The following CCDC178 variants were observed in gnomAD, a reference collection of about 807,000 sequenced individuals.
CCDC178 encodes coiled-coil domain-containing protein 178.
Under a neutral mutation model 117.4 loss-of-function variants are expected in CCDC178, and 126 were observed. That is an observed-to-expected ratio of 1.07 (90% CI 0.93 to 1.24). The LOEUF is 1.24. Ranked by LOEUF, CCDC178 falls within the 50% of genes most tolerant of loss-of-function variation. CCDC178 has a pLI of 0.00. For synonymous variants in CCDC178, 283 were observed against 313.4 expected (o/e 0.90, Z 1.02); for missense variants, 1,030 against 986.9 (o/e 1.04, Z -0.59).
At chr18:33,309,943 AT>A (rs2062314161) in intron 11 of CCDC178, among the ~76,000 whole-genome samples, 7 of 1,054 alleles carry the variant, frequency 6.6e-3, no homozygotes, top group Admixed American at 0.055. Context: ...CTTTTCTTTT[AT>A]TTATTTATTT....
chr18:33,247,851 G>A (rs913594582), intron 14 of CCDC178, among the ~76,000 whole-genome samples: 8 of 151,852 alleles, frequency 5.3e-5, no homozygotes, highest in African/African-American at 1.9e-4. Flanking sequence ...GTGTGTGTTT[G>A]AGTATGTGTT....
intron 20 of CCDC178, among the ~76,000 whole-genome samples, chr18:33,098,796 G>A (rs745517577): frequency 1.2e-4 from 18 of 151,638 alleles, no homozygotes; most frequent in Non-Finnish European, 2.1e-4. Context: ...TTTACTTTAC[G>A]GATTCAGCTC....
chr18:33,013,082 C>T (rs2055905816), intron 21 of CCDC178, among the ~76,000 whole-genome samples: 1 of 152,042 alleles, frequency 6.6e-6, no homozygotes, highest in South Asian at 2.1e-4. Context: ...CACATTTTTC[C>T]TTTTATAGGA....
Position 33,368,742 on chromosome 18 carries a change from A to G in CCDC178, c.348+1308T>C, listed in dbSNP as rs975304265. 2.0e-5 allele frequency among the ~76,000 whole-genome samples: 3 copies of G among 152,088 alleles called. No individual in the cohort carries two copies. In the East Asian group the frequency reaches 5.8e-4, roughly 29 times the overall value. On this transcript the variant is annotated intron_variant, in intron 6 of 22. Transcript: ENST00000383096. ...CTATTTCCCTATCTATCAATTAGGT[A>G]TAACAATAACCATTCAATAGTTTTG...
At chr18:33,049,898 A>G (rs966293956) in intron 21 of CCDC178, among the ~76,000 whole-genome samples, 3 of 151,232 alleles carry the variant, frequency 2.0e-5, no homozygotes, top group Admixed American at 1.3e-4. Flanking sequence ...CCTGGCCAAC[A>G]TGGTGAAACC....
chr18:33,332,736 C>T (rs1287481133), intron 10 of CCDC178, among the ~76,000 whole-genome samples: 1 of 152,004 alleles, frequency 6.6e-6, no homozygotes, highest in Non-Finnish European at 1.5e-5. Context: ...ACCTCAGCCT[C>T]CCAAGTAGAG....
intron 21 of CCDC178, among the ~76,000 whole-genome samples, chr18:33,043,198 T>C (rs1376628195): frequency 6.6e-6 from 1 of 152,060 alleles, no homozygotes; most frequent in Non-Finnish European, 1.5e-5. Context: ...CTGAAGGTTC[T>C]ATGTAAAGGA....
At chr18:33,392,890 T>C (rs906618101) in intron 4 of CCDC178, among the ~76,000 whole-genome samples, 1 of 152,102 alleles carries the variant, frequency 6.6e-6, no homozygotes, top group African/African-American at 2.4e-5. Context: ...TAAGTGCAAA[T>C]AAAACAAAAA....
At chr18:32,979,259 G>C (rs1332225766) in intron 21 of CCDC178, among the ~76,000 whole-genome samples, 3 of 151,802 alleles carry the variant, frequency 2.0e-5, no homozygotes, top group Non-Finnish European at 4.4e-5. Context: ...GGGTTCAAAC[G>C]ATTCTCCTGT....
At chr18:33,188,222 T>A (rs1338594175) in intron 20 of CCDC178, among the ~76,000 whole-genome samples, 1 of 152,124 alleles carries the variant, frequency 6.6e-6, no homozygotes, top group Non-Finnish European at 1.5e-5. Context: ...TTCTCCAGAA[T>A]GTGGAACATG....
intron 21 of CCDC178, among the ~76,000 whole-genome samples, chr18:33,073,270 A>G (rs1324169626): frequency 1.3e-5 from 2 of 151,986 alleles, no homozygotes; most frequent in Non-Finnish European, 1.5e-5. Context: ...AATGATTATA[A>G]TAAAATCTAA....
intron 21 of CCDC178, 90 bp downstream of exon 21, chr18:33,092,671 G>C (rs2057485007): frequency 3.7e-6 from 3 of 815,408 alleles, no homozygotes; most frequent in Non-Finnish European, 5.9e-6. Context: ...ATCATCGTCA[G>C]ATCAGAGGCA....
At chr18:33,011,878 C>T (rs780493263) in intron 21 of CCDC178, among the ~76,000 whole-genome samples, 13 of 136,942 alleles carry the variant, frequency 9.5e-5, no homozygotes, top group Admixed American at 3.9e-4. Context: ...ATGATGGTTA[C>T]GGTGGGCTGC....
intron 12 of CCDC178, among the ~76,000 whole-genome samples, chr18:33,280,723 A>G (rs1286942992): frequency 6.6e-6 from 1 of 152,216 alleles, no homozygotes; most frequent in African/African-American, 2.4e-5. Context: ...ACAATGATAG[A>G]CTGGATTAAG....
intron 5 of CCDC178, among the ~76,000 whole-genome samples, chr18:33,374,238 A>G (rs143832181): frequency 5.8e-4 from 88 of 152,310 alleles, no homozygotes; most frequent in Middle Eastern, 3.4e-3. Context: ...CCCCTCTGAC[A>G]TATGGCATAG....
chr18:32,947,896 GAAATTTT>G (rs2054391698), intron 22 of CCDC178, among the ~76,000 whole-genome samples: 1 of 152,036 alleles, frequency 6.6e-6, no homozygotes. Context: ...AGGTAATGGT[GAAATTTT>G]ATTTATTTTC....
At chr18:33,429,037 A>AAC (rs1743482415) in intron 2 of CCDC178, among the ~76,000 whole-genome samples, 1 of 151,356 alleles carries the variant, frequency 6.6e-6, no homozygotes, top group African/African-American at 2.4e-5. Flanking sequence ...AAAAAAAAAA[A>AAC]CAAGAGAAAT....
In CCDC178 at chr18:33,245,229, C is replaced by T. The variant is rs115761165; in HGVS notation, c.1593+16G>A. The T allele has an allele frequency of 6.5e-7, 1 of 1,539,348 alleles. No homozygotes were observed. The highest frequency in any genetic ancestry group is 8.7e-7 in the Non-Finnish European group (1 of 1,146,664). On this transcript the variant is annotated intron_variant, in intron 15 of 22. Transcript: ENST00000383096. ...TTTTTTTCATCATGAGTAAGAGGAA[C>T]ACAAAGATACACAACCTTGAACTTT...
intron 11 of CCDC178, among the ~76,000 whole-genome samples, chr18:33,315,099 G>T (rs1406838706): frequency 6.6e-6 from 1 of 152,144 alleles, no homozygotes; most frequent in Non-Finnish European, 1.5e-5. Context: ...CCCTAGGGAA[G>T]GTTTGCCTAC....
Sources: gnomAD v4.1 joint callset for allele counts (sites outside exome capture counted in the v4.1 genomes callset) on GRCh38, gnomAD v4.1.1 for gene constraint, MANE v1.5 for transcripts, NCBI Gene and HGNC (gene_info 2026-07-23, HGNC 2026-07-21) for gene names.